The following MLXIPL variants were observed in gnomAD, a reference collection of about 807,000 sequenced individuals.
MLXIPL encodes the protein carbohydrate-responsive element-binding protein.
A neutral mutation model predicts 81.5 loss-of-function variants in MLXIPL; 49 were observed. The ratio of observed to expected loss-of-function variants is 0.60; its 90% CI spans 0.48 to 0.76. MLXIPL has a LOEUF of 0.76. MLXIPL is among the 30% of genes least tolerant of loss of function. The probability of loss-of-function intolerance (pLI) is 0.00; values close to 1 mark genes in which losing one functional copy is unlikely to be tolerated. For synonymous variants in MLXIPL, 466 were observed against 485.5 expected, an observed-to-expected ratio of 0.96 and a Z score of 0.53; for missense variants, 1,053 against 1,167.0, an observed-to-expected ratio of 0.90 and a Z score of 1.42.
the MLXIPL span, among the ~76,000 whole-genome samples, chr7:73,636,536 T>A: frequency 6.6e-6 from 1 of 151,980 alleles, no homozygotes; most frequent in Non-Finnish European, 1.5e-5. Context: ...TTCAACTGGC[T>A]GGGGTGCCAG....
chr7:73,597,009 C>A, intron 9 of MLXIPL, 77 bp from the exon 10 acceptor site: 1 of 1,535,908 alleles, frequency 6.5e-7, no homozygotes. Flanking sequence ...CCTGCCCCTC[C>A]CAAGAGTCCA....
intron 4 of MLXIPL, 63 bp from the exon 5 acceptor site, chr7:73,607,081 A>G (rs1795340660): frequency 4.4e-6 from 7 of 1,582,826 alleles, no homozygotes; most frequent in Non-Finnish European, 6.0e-6. Context: ...CTTTCCCCCC[A>G]AAGTCTCCTC....
chr7:73,618,677 T>C (rs1448621868), intron 1 of MLXIPL, among the ~76,000 whole-genome samples: 1 of 144,332 alleles, frequency 6.9e-6, no homozygotes, highest in Non-Finnish European at 1.5e-5. Flanking sequence ...CCCCTCCCTC[T>C]GAGAATTAGA....
At chr7:73,633,272 C>T in the MLXIPL span, among the ~76,000 whole-genome samples, 3 of 151,182 alleles carry the variant, frequency 2.0e-5, no homozygotes, top group East Asian at 2.0e-4. Context: ...TTAGTAGAGA[C>T]GGGGTTTCAC....
In MLXIPL at chr7:73,623,690, G is replaced by T. The variant is rs1215402835; in HGVS notation, c.293+510C>A. ...GAGTGGGCCAGTTCCAGTCCACTTT[G>T]GTTATGAACTGGGACAATCAGGGGC... On this transcript the variant is annotated intron_variant, in intron 1 of 16. Coordinates refer to ENST00000313375, the MANE Select transcript of MLXIPL (RefSeq NM_032951.3). The surrounding 1 kb of genome is among the most constrained non-coding windows in gnomAD (Gnocchi z 5.7). Among the ~76,000 whole-genome samples the T allele has an allele frequency of 6.6e-6, 1 of 152,194 alleles. No individual in the cohort carries two copies. Among genetic ancestry groups the T allele is most frequent in the Non-Finnish European group, 1.5e-5 (1 of 68,034 alleles).
chr7:73,606,401 T>A (rs1353221117), intron 5 of MLXIPL: 1 of 506,990 alleles, frequency 2.0e-6, no homozygotes, highest in Non-Finnish European at 3.5e-6. Flanking sequence ...TCTGGTTTTT[T>A]TTTTTGTTTG....
chr7:73,603,281 C>G (rs1356820415), intron 7 of MLXIPL, among the ~76,000 whole-genome samples: 2 of 152,146 alleles, frequency 1.3e-5, no homozygotes, highest in East Asian at 3.9e-4. Flanking sequence ...TCTGTGTGGC[C>G]CACACTTTTT....
chr7:73,607,703 C>T (rs1795412613), intron 2 of MLXIPL, 31 bp from the exon 3 acceptor site: 2 of 1,593,852 alleles, frequency 1.3e-6, no homozygotes, highest in African/African-American at 2.7e-5. Context: ...CAGGGGCACC[C>T]AGCTTCCTCA....
chr7:73,646,855 C>G, the MLXIPL span, among the ~76,000 whole-genome samples: 1 of 152,086 alleles, frequency 6.6e-6, no homozygotes, highest in Non-Finnish European at 1.5e-5. Flanking sequence ...CAGCTCAGCT[C>G]TCATAGATCC....
the MLXIPL span, among the ~76,000 whole-genome samples, chr7:73,633,660 C>A: frequency 6.6e-6 from 1 of 151,864 alleles, no homozygotes; most frequent in South Asian, 2.1e-4. Flanking sequence ...TGCTATATTG[C>A]CTAAACTGGT....
chr7:73,638,204 TGAACAGG>T, the MLXIPL span, among the ~76,000 whole-genome samples: 1 of 152,162 alleles, frequency 6.6e-6, no homozygotes, highest in African/African-American at 2.4e-5. Flanking sequence ...GGAGACTAGA[TGAACAGG>T]GATTTTGATC....
At chr7:73,611,822 A>AAAAAT (rs1445607163) in intron 2 of MLXIPL, among the ~76,000 whole-genome samples, 2 of 151,778 alleles carry the variant, frequency 1.3e-5, no homozygotes, top group African/African-American at 2.4e-5. Context: ...TCAAAAAAAA[A>AAAAAT]AAAATAAAAT....
rs1554603189 is a variant in MLXIPL at position 73,624,481 on chromosome 7, C to A, written c.12G>T (p.Ala4=). 3.9e-6 allele frequency: 6 copies of A among 1,528,816 alleles called. No homozygotes were observed. The highest frequency in any genetic ancestry group is 5.2e-6 in the Non-Finnish European group (6 of 1,144,552). 94.7% of individuals were successfully genotyped at this position (1,528,816 alleles called of 1,614,324 possible). A position where few individuals can be genotyped will look rare whatever the true frequency, so the allele number is the denominator to read the frequency against. The change falls in exon 1 of 17, where the codon GCG becomes GCT. Residue 4 remains alanine (A), a synonymous_variant. Transcript: ENST00000313375. ...GCAAGCCCGCGGCCAGACCTGCCAG[C>A]GCGCCGGCCATGGCTGTCGCCGCCG... The part of the protein sequence containing the change: MAG[A]LAGLAAGLQV...
chr7:73,595,488 G>C lies in MLXIPL; in HGVS notation c.2310+149C>G, dbSNP rs1156348991. Reference sequence around the variant, plus strand: ...TTGCTGGCCAAGATGGCCAGGGCATGGAAGCAGGGGGCAGAGCCAGAGCCT... The same window carrying C: ...TTGCTGGCCAAGATGGCCAGGGCATCGAAGCAGGGGGCAGAGCCAGAGCCT... On this transcript the variant is annotated intron_variant, in intron 15 of 16. Transcript: ENST00000313375. The C allele has an allele frequency of 3.2e-6, 5 of 1,568,102 alleles. No homozygotes were observed. The African/African-American group carries it at 6.8e-5, about 21-fold the overall frequency.
chr7:73,628,225 C>T (rs902071630), upstream of MLXIPL, among the ~76,000 whole-genome samples: 1 of 152,100 alleles, frequency 6.6e-6, no homozygotes, highest in Non-Finnish European at 1.5e-5. Flanking sequence ...CTGAAAACAT[C>T]AGAGTTGTCT....
intron 7 of MLXIPL, among the ~76,000 whole-genome samples, chr7:73,600,711 T>A (rs1265758147): frequency 7.5e-5 from 1 of 13,318 alleles, no homozygotes; most frequent in Non-Finnish European, 1.3e-4. Context: ...GCCCTAAGGG[T>A]GGGCTCTGAG....
At chr7:73,631,987 C>CCTTTT in the MLXIPL span, among the ~76,000 whole-genome samples, 3 of 140,256 alleles carry the variant, frequency 2.1e-5, no homozygotes, top group Admixed American at 1.5e-4. Context: ...CCTCTCCTCT[C>CCTTTT]CTTTTCTTTT....
rs782360377 is a variant in MLXIPL, at chr7:73,607,331, C to T, written c.573G>A (p.Arg191=). ...GCCTCCCTGGCCCTCCCCCACTGAC[C>T]CGCTTCTTGTAGTAGATGCGCCACT... ...YHKWRIYYKK[R]LRKPSREDDL... The change falls in exon 4 of 17, where the codon CGG becomes CGA. Residue 191 remains arginine, a splice_region_variant and synonymous_variant. Transcript: ENST00000313375. The T allele has an allele frequency of 4.5e-5, 71 of 1,562,364 alleles. No individual in the cohort carries two copies. Among genetic ancestry groups the T allele is most frequent in the Non-Finnish European group, 5.9e-5 (68 of 1,152,862 alleles).
chr7:73,604,923 C>T (rs1252922698), intron 7 of MLXIPL, among the ~76,000 whole-genome samples: 1 of 151,960 alleles, frequency 6.6e-6, no homozygotes, highest in African/African-American at 2.4e-5. Context: ...TGCCACCACG[C>T]CCAGCTAATT....
Sources: allele counts gnomAD v4.1 joint callset (sites outside exome capture counted in the v4.1 genomes callset), GRCh38; gene constraint gnomAD v4.1.1; non-coding constraint Gnocchi (gnomAD v3.1); transcripts MANE v1.5; gene names NCBI Gene and HGNC (gene_info 2026-07-23, HGNC 2026-07-21).